The following CADPS variants were observed in gnomAD, a reference collection of about 807,000 sequenced individuals.
CADPS encodes the protein calcium dependent secretion activator, also known as calcium-dependent secretion activator 1.
A neutral mutation model predicts 167.3 loss-of-function variants in CADPS; 57 were observed. The observed-to-expected ratio is 0.34, with a 90% CI of 0.28 to 0.42. The LOEUF (loss-of-function observed/expected upper bound fraction) is 0.42. Ranked by LOEUF, CADPS falls within the 20% of genes least tolerant of loss-of-function variation. The probability of loss-of-function intolerance (pLI) is 1.00; values close to 1 mark genes in which losing one functional copy is unlikely to be tolerated. For missense variants in CADPS, 1,414 were observed against 1,738.1 expected, an observed-to-expected ratio of 0.81 and a Z score of 3.32; for synonymous variants, 676 against 635.3, an observed-to-expected ratio of 1.06 and a Z score of -0.96.
Position 62,499,207 on chromosome 3 carries a change from T to C in CADPS, c.2661A>G (p.Glu887=). Residue 887 remains glutamate (E), a synonymous_variant, in exon 18 of 30, where the codon GAA becomes GAG. Transcript: ENST00000383710. ...TTTGCTGAAGAACTTCAATGACTAG[T>C]TCAGCAAGACGTATTGTATCTTCAA... ...KKLEDTIRLA[E]LVIEVLQQNE... is the part of the protein sequence containing the mutation. The C allele has an allele frequency of 6.2e-7, 1 of 1,613,952 alleles. No individual in the cohort carries two copies. The highest frequency in any genetic ancestry group is 8.5e-7 in the Non-Finnish European group (1 of 1,179,832).
intron 28 of CADPS, among the ~76,000 whole-genome samples, chr3:62,423,858 A>G (rs139997802): frequency 6.6e-6 from 1 of 152,350 alleles, no homozygotes; most frequent in African/African-American, 2.4e-5. Context: ...AACACATTTA[A>G]CAAGATGGTG....
chr3:62,526,845 T>C (rs991736976), intron 13 of CADPS, among the ~76,000 whole-genome samples: 2 of 152,214 alleles, frequency 1.3e-5, no homozygotes, highest in Admixed American at 1.3e-4. Flanking sequence ...TCATGAAGTT[T>C]GGGCCACATT....
intron 3 of CADPS, among the ~76,000 whole-genome samples, chr3:62,711,781 C>T (rs2083438628): frequency 6.6e-6 from 1 of 152,170 alleles, no homozygotes; most frequent in African/African-American, 2.4e-5. Context: ...TTTATTGATT[C>T]ATTCATCTAT....
intron 3 of CADPS, among the ~76,000 whole-genome samples, chr3:62,750,443 G>T (rs971726078): frequency 6.6e-6 from 1 of 150,538 alleles, no homozygotes; most frequent in South Asian, 2.1e-4. Context: ...CTCGGAAATG[G>T]CAAAGATTAT....
intron 3 of CADPS, 83 bp from the exon 4 acceptor site, chr3:62,662,477 T>C: frequency 8.9e-7 from 1 of 1,119,136 alleles, no homozygotes; most frequent in Admixed American, 1.8e-5. Flanking sequence ...TATACCCCCT[T>C]GCACTGTGCT....
At chr3:62,685,152 AAACAAGGCACAGTGC>A (rs2077777795) in intron 3 of CADPS, among the ~76,000 whole-genome samples, 1 of 152,100 alleles carries the variant, frequency 6.6e-6, no homozygotes, top group African/African-American at 2.4e-5. Flanking sequence ...CCACAAAAGC[AAACAAGGCACAGTGC>A]AACAGATCTC....
chr3:62,593,367 C>T (rs573611844), intron 6 of CADPS, among the ~76,000 whole-genome samples: 31 of 152,318 alleles, frequency 2.0e-4, no homozygotes, highest in Non-Finnish European at 3.1e-4. Context: ...TTTCCACACA[C>T]GGGAGCCTGG....
intron 3 of CADPS, among the ~76,000 whole-genome samples, chr3:62,746,054 T>C (rs2081376038): frequency 6.6e-6 from 1 of 152,152 alleles, no homozygotes; most frequent in Non-Finnish European, 1.5e-5. Flanking sequence ...CTACAAAGGT[T>C]ACATTTAAAA....
chr3:62,563,698 C>T (rs774296270), intron 9 of CADPS, among the ~76,000 whole-genome samples: 16 of 152,024 alleles, frequency 1.1e-4, no homozygotes, highest in Non-Finnish European at 1.8e-4. Context: ...CTCTTCCCAC[C>T]CTTTCCCCCT....
Position 62,662,527 on chromosome 3 carries a change from G to A in CADPS, c.889-133C>T, listed in dbSNP as rs1487115478. 13 of 693,914 alleles carry A rather than the reference G, an allele frequency of 1.9e-5. No homozygotes were observed. The East Asian group carries it at 2.5e-4, about 13-fold the overall frequency. The allele number at this position is 693,914 out of a possible 1,614,324, so 43.0% of individuals were successfully genotyped here. A position where few individuals can be genotyped will look rare whatever the true frequency, so the allele number is the denominator to read the frequency against. On this transcript the variant is annotated intron_variant, in intron 3 of 29. Coordinates refer to ENST00000383710, the MANE Select transcript of CADPS (RefSeq NM_003716.4). ...CAGTTAAAAAAAAATTCTTATAACCGACAAATCCAGTCTGAGTGAAATTCC... is the reference window on the plus strand; with the variant it reads ...CAGTTAAAAAAAAATTCTTATAACCAACAAATCCAGTCTGAGTGAAATTCC...
chr3:62,452,592 CAGG>C (rs1303283162), intron 26 of CADPS, among the ~76,000 whole-genome samples: 1 of 151,846 alleles, frequency 6.6e-6, no homozygotes, highest in South Asian at 2.1e-4. Flanking sequence ...GAGGAGGAAG[CAGG>C]AGAAGAAAAA....
chr3:62,614,355 C>T (rs1268734253), intron 6 of CADPS, among the ~76,000 whole-genome samples: 2 of 152,180 alleles, frequency 1.3e-5, no homozygotes, highest in Non-Finnish European at 2.9e-5. Flanking sequence ...CTCTTATCCA[C>T]TTTACTCTGA....
chr3:62,780,717 A>G (rs1238548479), intron 1 of CADPS, among the ~76,000 whole-genome samples: 4 of 152,224 alleles, frequency 2.6e-5, no homozygotes, highest in Admixed American at 2.0e-4. Flanking sequence ...AATTTTGAAT[A>G]TAACTCAGCA....
chr3:62,744,230 T>C (rs185462756), intron 3 of CADPS, among the ~76,000 whole-genome samples: 1 of 152,248 alleles, frequency 6.6e-6, no homozygotes, highest in East Asian at 1.9e-4. Flanking sequence ...GTAGGTATAA[T>C]TGATGTCCAA....
At chr3:62,627,130 T>TTGTGTGTGTG (rs10547515) in intron 6 of CADPS, among the ~76,000 whole-genome samples, 19 of 148,450 alleles carry the variant, frequency 1.3e-4, no homozygotes, top group African/African-American at 4.7e-4. Flanking sequence ...TACTTTCCAG[T>TTGTGTGTGTG]TGTGTGTGTG....
intron 6 of CADPS, among the ~76,000 whole-genome samples, chr3:62,642,528 G>A (rs7355807): frequency 0.016 from 2,406 of 152,278 alleles, 51 homozygotes; most frequent in African/African-American, 0.054. Context: ...GAAAAGAGAT[G>A]ATGAAGAGGC....
rs752365617 is a variant in CADPS, at chr3:62,478,362, G to T, written c.3228C>A (p.Thr1076=). The change falls in exon 23 of 30, where the codon ACC becomes ACA. Residue 1076 remains threonine, a synonymous_variant. Coordinates refer to ENST00000383710, the MANE Select transcript of CADPS (RefSeq NM_003716.4). This position sits in a 1 kb window ranked among gnomAD's most constrained non-coding sequence, Gnocchi z 5.7. The stretch of plus-strand genomic sequence containing the variant: ...CAGGCCAGTGCAGGTCCCGAATGAA[G>T]GTCTGAAGGGCGTCAAGTTTCCAAA... ...DLFWKLDALQ[T]FIRDLHWPEE... 26 of 1,613,704 alleles carry T rather than the reference G, an allele frequency of 1.6e-5. No homozygotes were observed. In the South Asian group the frequency reaches 2.4e-4, roughly 15 times the overall value.
intron 8 of CADPS, among the ~76,000 whole-genome samples, chr3:62,576,538 C>G (rs1347474846): frequency 1.3e-5 from 2 of 151,480 alleles, no homozygotes; most frequent in African/African-American, 4.9e-5. Context: ...CACCTGTACT[C>G]CTAGCACTTT....
intron 9 of CADPS, among the ~76,000 whole-genome samples, chr3:62,566,209 C>T (rs879303382): frequency 2.6e-5 from 4 of 152,150 alleles, no homozygotes; most frequent in Non-Finnish European, 5.9e-5. Context: ...GGAGCAGGGG[C>T]GGGGTTAGGG....
Sources: gnomAD v4.1 joint callset for allele counts (sites outside exome capture counted in the v4.1 genomes callset) on GRCh38, gnomAD v4.1.1 for gene constraint, Gnocchi (gnomAD v3.1) non-coding constraint, MANE v1.5 for transcripts, NCBI Gene and HGNC (gene_info 2026-07-23, HGNC 2026-07-21) for gene names.